Variants in PTPRR observed in about 807,000 individuals in gnomAD.
The protein encoded by PTPRR is protein tyrosine phosphatase receptor type R.
A neutral mutation model predicts 77.2 loss-of-function variants in PTPRR; 38 were observed. That is an observed-to-expected ratio of 0.49 (90% confidence interval 0.38 to 0.65). The LOEUF (loss-of-function observed/expected upper bound fraction) is 0.65. Ranked by LOEUF, PTPRR falls within the 30% of genes least tolerant of loss-of-function variation. The pLI, the probability that PTPRR is intolerant of heterozygous loss-of-function variation, is 0.00. For missense variants in PTPRR, 744 were observed against 799.2 expected, an observed-to-expected ratio of 0.93 and a Z score of 0.83; for synonymous variants, 299 against 283.1, an observed-to-expected ratio of 1.06 and a Z score of -0.57.
Position 70,866,668 on chromosome 12 carries a change from C to T in PTPRR, c.357+26011G>A, listed in dbSNP as rs1332664036. Among the ~76,000 whole-genome samples the T allele has an allele frequency of 5.9e-5, 9 of 152,266 alleles. No individual in the cohort carries two copies. The East Asian group carries it at 1.4e-3, about 23-fold the overall frequency. On this transcript the variant is annotated intron_variant, in intron 2 of 13. Transcript: ENST00000283228. ...ATCAATAGAAAAAGAGGGAATCCTC[C>T]CTAACTCATTTTATGAGGCCAGCAT...
chr12:70,883,949 G>A (rs1222976469), intron 2 of PTPRR, among the ~76,000 whole-genome samples: 6 of 152,020 alleles, frequency 3.9e-5, no homozygotes, highest in Admixed American at 3.3e-4. Flanking sequence ...GTTTCCCTCT[G>A]TCTGCATTCT....
At chr12:70,768,858 T>C (rs1038655038) in intron 2 of PTPRR, among the ~76,000 whole-genome samples, 5 of 151,204 alleles carry the variant, frequency 3.3e-5, no homozygotes, top group Admixed American at 6.6e-5. Flanking sequence ...GTTCAATATA[T>C]GCAAATCAAT....
chr12:70,788,631 T>C (rs937713401), intron 2 of PTPRR, among the ~76,000 whole-genome samples: 1 of 152,220 alleles, frequency 6.6e-6, no homozygotes, highest in Non-Finnish European at 1.5e-5. Context: ...AATGACTGCA[T>C]AGCATTTTCT....
intron 1 of PTPRR, among the ~76,000 whole-genome samples, chr12:70,898,541 C>G (rs1298412947): frequency 6.8e-6 from 1 of 147,750 alleles, no homozygotes; most frequent in Non-Finnish European, 1.5e-5. Context: ...AATCCTTAAC[C>G]TATAAATATA....
At chr12:70,839,211 C>T (rs536726870) in intron 2 of PTPRR, among the ~76,000 whole-genome samples, 10 of 152,250 alleles carry the variant, frequency 6.6e-5, no homozygotes, top group African/African-American at 2.4e-4. Flanking sequence ...TCAGAACTAT[C>T]CCACCTACCT....
chr12:70,822,649 TC>T (rs1892035152), intron 2 of PTPRR, among the ~76,000 whole-genome samples: 1 of 152,120 alleles, frequency 6.6e-6, no homozygotes, highest in South Asian at 2.1e-4. Context: ...CCTCCCACCT[TC>T]CAGGCAGGAT....
chr12:70,774,362 G>T (rs972221967), intron 2 of PTPRR, among the ~76,000 whole-genome samples: 3 of 152,172 alleles, frequency 2.0e-5, no homozygotes, highest in African/African-American at 7.2e-5. Flanking sequence ...CTTGAGGCTT[G>T]TAACTGTGGA....
chr12:70,839,970 A>G (rs1370378643), intron 2 of PTPRR, among the ~76,000 whole-genome samples: 4 of 152,218 alleles, frequency 2.6e-5, no homozygotes, highest in Non-Finnish European at 5.9e-5. Flanking sequence ...ATTTCAAAAC[A>G]TGAATTAAGT....
intron 6 of PTPRR, among the ~76,000 whole-genome samples, chr12:70,709,587 G>C (rs1015145804): frequency 6.6e-6 from 1 of 152,000 alleles, no homozygotes; most frequent in Non-Finnish European, 1.5e-5. Flanking sequence ...AGAAAACCCA[G>C]AGTTTCAGCC....
intron 6 of PTPRR, among the ~76,000 whole-genome samples, chr12:70,728,046 G>A (rs1158099194): frequency 6.6e-6 from 1 of 151,888 alleles, no homozygotes; most frequent in Non-Finnish European, 1.5e-5. Context: ...GCCCCATAGA[G>A]CATAATTGAA....
chr12:70,884,871 C>CAAAAAAAA (rs529547383), intron 2 of PTPRR, among the ~76,000 whole-genome samples: 1 of 53,930 alleles, frequency 1.9e-5, no homozygotes, highest in African/African-American at 9.3e-5. Context: ...AACTCTGTCT[C>CAAAAAAAA]AAAAAAAAAA....
chr12:70,899,916 TAAAA>T (rs562116172), intron 1 of PTPRR, among the ~76,000 whole-genome samples: 1 of 150,804 alleles, frequency 6.6e-6, no homozygotes, highest in African/African-American at 2.4e-5. Context: ...AAACTAGAAG[TAAAA>T]AAAACAAACT....
At chr12:70,884,455 A>G (rs1893202098) in intron 2 of PTPRR, among the ~76,000 whole-genome samples, 1 of 152,236 alleles carries the variant, frequency 6.6e-6, no homozygotes, top group African/African-American at 2.4e-5. Context: ...CAACTGGAAA[A>G]CCAAAGGCAA....
In PTPRR at chr12:70,822,935, A is replaced by G. The variant is rs141640219; in HGVS notation, c.358-58157T>C. Among the ~76,000 whole-genome samples the G allele has an allele frequency of 1.6e-3, 242 of 151,766 alleles. 1 individual carries two copies. The highest frequency in any genetic ancestry group is 2.9e-3 in the Non-Finnish European group (196 of 67,926). ...ACCTTTTTTTGGGTGTGCATTTCTC[A>G]TCCTTGGGTAGAACCCTTTCCTCTA... On this transcript the variant is annotated intron_variant, in intron 2 of 13. Coordinates refer to ENST00000283228, the MANE Select transcript of PTPRR (RefSeq NM_002849.4).
chr12:70,903,248 T>C (rs1893569499), intron 1 of PTPRR, among the ~76,000 whole-genome samples: 1 of 151,800 alleles, frequency 6.6e-6, no homozygotes, highest in Admixed American at 6.6e-5. Flanking sequence ...GAGCATAAAT[T>C]TGAAATGTCT....
intron 2 of PTPRR, among the ~76,000 whole-genome samples, chr12:70,774,194 T>C (rs1891041915): frequency 6.6e-6 from 1 of 152,208 alleles, no homozygotes; most frequent in African/African-American, 2.4e-5. Flanking sequence ...AACCTCTGTC[T>C]CACCAGCAGT....
chr12:70,861,645 A>G (rs1305630712), intron 2 of PTPRR, among the ~76,000 whole-genome samples: 3 of 152,162 alleles, frequency 2.0e-5, no homozygotes, highest in Admixed American at 2.0e-4. Context: ...TCTAGGCTGC[A>G]GTGAACACAG....
chr12:70,738,295 G>C (rs1367703088), intron 6 of PTPRR, among the ~76,000 whole-genome samples: 1 of 152,146 alleles, frequency 6.6e-6, no homozygotes, highest in Non-Finnish European at 1.5e-5. Flanking sequence ...GTGAATGTTT[G>C]TTCGTTGGAT....
At chr12:70,707,498 C>T (rs183134209) in intron 6 of PTPRR, among the ~76,000 whole-genome samples, 23 of 152,162 alleles carry the variant, frequency 1.5e-4, no homozygotes, top group Admixed American at 5.2e-4. Context: ...GATAGTATCC[C>T]ATTATTGAGA....
Sources: gnomAD v4.1 joint callset for allele counts (sites outside exome capture counted in the v4.1 genomes callset) on GRCh38, gnomAD v4.1.1 for gene constraint, MANE v1.5 for transcripts, NCBI Gene and HGNC (gene_info 2026-07-23, HGNC 2026-07-21) for gene names.